SPECC1: variants seen among roughly 807,000 people sequenced by gnomAD.
The protein encoded by SPECC1 is cytospin-B.
SPECC1 carries 62 observed loss-of-function variants against 104.1 expected under a neutral mutation model. The ratio of observed to expected loss-of-function variants is 0.60; its 90% CI spans 0.49 to 0.74. The LOEUF is 0.74. SPECC1 is among the 30% of genes least tolerant of loss of function. SPECC1 has a pLI of 0.00. For missense variants in SPECC1, 1,306 were observed against 1,310.5 expected (o/e 1.00, Z 0.05); for synonymous variants, 513 against 501.6 (o/e 1.02, Z -0.30).
At chr17:20,182,089 A>G (rs1254016940) in intron 3 of SPECC1, among the ~76,000 whole-genome samples, 1 of 149,282 alleles carries the variant, frequency 6.7e-6, no homozygotes, top group Non-Finnish European at 1.5e-5. Context: ...ACTTCAGACA[A>G]ACCTCAATTT....
intron 3 of SPECC1, among the ~76,000 whole-genome samples, chr17:20,128,675 G>A (rs1019122766): frequency 7.2e-5 from 11 of 151,862 alleles, no homozygotes; most frequent in Admixed American, 4.6e-4. Flanking sequence ...ATCAGTAATG[G>A]GTGAATTTTG....
In SPECC1 at chr17:20,210,957, A is replaced by C. The variant is rs151006386; in HGVS notation, c.1863+5045A>C. Among the ~76,000 whole-genome samples, 5 of 152,194 alleles carry C rather than the reference A, an allele frequency of 3.3e-5. No individual in the cohort carries two copies. The East Asian group carries it at 9.7e-4, about 30-fold the overall frequency. On this transcript the variant is annotated intron_variant, in intron 4 of 14. Coordinates refer to ENST00000395527, the MANE Select transcript of SPECC1 (RefSeq NM_001243439.2). ...ATTGACCATTACCTGGTCCCTCCTG[A>C]AGCTTTCCGCCTCAGTTATGGGGTC... is the stretch of plus-strand genomic sequence containing the variant.
At chr17:20,263,063 A>T (rs572729721) in intron 12 of SPECC1, among the ~76,000 whole-genome samples, 4 of 151,326 alleles carry the variant, frequency 2.6e-5, no homozygotes, top group African/African-American at 9.7e-5. Context: ...CTCGCCTCAG[A>T]CCCTTGTTTA....
intron 1 of SPECC1, among the ~76,000 whole-genome samples, chr17:20,048,136 C>CTTT (rs543097038): frequency 2.9e-5 from 4 of 139,900 alleles, no homozygotes; most frequent in East Asian, 2.1e-4. Flanking sequence ...AGAAATGAGT[C>CTTT]TTTTTTTTTT....
chr17:20,207,042 C>T (rs2036833731), intron 4 of SPECC1, among the ~76,000 whole-genome samples: 1 of 152,170 alleles, frequency 6.6e-6, no homozygotes, highest in Non-Finnish European at 1.5e-5. Flanking sequence ...CCTCCCAGAG[C>T]AGTGCTGGAG....
intron 1 of SPECC1, among the ~76,000 whole-genome samples, chr17:20,041,071 T>G (rs985768467): frequency 1.3e-5 from 2 of 152,050 alleles, no homozygotes; most frequent in African/African-American, 4.8e-5. Context: ...TCTTTTTTCT[T>G]CTTTATTTTT....
At chr17:20,064,272 A>C (rs932478331) in intron 1 of SPECC1, among the ~76,000 whole-genome samples, 33 of 152,204 alleles carry the variant, frequency 2.2e-4, no homozygotes, top group African/African-American at 8.0e-4. Context: ...CCCTGATGGC[A>C]GGAGAGTCAG....
chr17:20,252,437 G>A (rs1479249608), intron 9 of SPECC1, among the ~76,000 whole-genome samples: 1 of 152,018 alleles, frequency 6.6e-6, no homozygotes, highest in African/African-American at 2.4e-5. Context: ...GCACTCCCCA[G>A]TGTCTCTTGT....
At chr17:20,241,553 C>T (rs1034060458) in intron 7 of SPECC1, among the ~76,000 whole-genome samples, 1 of 152,116 alleles carries the variant, frequency 6.6e-6, no homozygotes. Context: ...TTCCCCCGAC[C>T]GTGTACTCTC....
chr17:20,299,429 G>A (rs773970734), intron 13 of SPECC1, among the ~76,000 whole-genome samples: 5 of 151,288 alleles, frequency 3.3e-5, no homozygotes, highest in Admixed American at 6.6e-5. Flanking sequence ...GCTTGGTGGC[G>A]CACATCTGAG....
chr17:20,244,070 G>A (rs571252774), intron 7 of SPECC1, among the ~76,000 whole-genome samples: 7 of 151,974 alleles, frequency 4.6e-5, no homozygotes, highest in South Asian at 2.1e-4. Context: ...AAAAAAATAC[G>A]AAAGATTAGC....
At chr17:20,148,877 G>T (rs1435077309) in intron 3 of SPECC1, among the ~76,000 whole-genome samples, 2 of 151,912 alleles carry the variant, frequency 1.3e-5, no homozygotes, top group African/African-American at 4.8e-5. Context: ...CTGCCACTGC[G>T]CCCAGCTATT....
intron 12 of SPECC1, among the ~76,000 whole-genome samples, chr17:20,278,518 A>T (rs188221710): frequency 3.9e-5 from 6 of 152,294 alleles, no homozygotes; most frequent in Non-Finnish European, 5.9e-5. Context: ...AAGTGAGGGA[A>T]CTAATAAGGT....
At chr17:20,142,145 T>G (rs1045415353) in intron 3 of SPECC1, among the ~76,000 whole-genome samples, 3 of 152,258 alleles carry the variant, frequency 2.0e-5, no homozygotes, top group Non-Finnish European at 2.9e-5. Context: ...TTCAGCATAG[T>G]GCGTGTAAAG....
At chr17:20,056,406 G>T in intron 1 of SPECC1, 1 of 185,022 alleles carries the variant, frequency 5.4e-6, no homozygotes, top group South Asian at 1.3e-4. Context: ...GTCCGGAGAA[G>T]GGCGAGGCCG....
chr17:20,118,700 T>G (rs1368008767), intron 3 of SPECC1, among the ~76,000 whole-genome samples: 2 of 152,176 alleles, frequency 1.3e-5, no homozygotes, highest in Non-Finnish European at 2.9e-5. Flanking sequence ...CAGAGGAAAA[T>G]TTTTTCATTT....
chr17:20,302,208 G>A (rs965447340), intron 13 of SPECC1, among the ~76,000 whole-genome samples: 1 of 152,214 alleles, frequency 6.6e-6, no homozygotes, highest in African/African-American at 2.4e-5. Flanking sequence ...GAGGCCCAAC[G>A]GGCCCAACCC....
intron 4 of SPECC1, among the ~76,000 whole-genome samples, chr17:20,222,600 C>T (rs1236180882): frequency 6.6e-6 from 1 of 152,072 alleles, no homozygotes; most frequent in African/African-American, 2.4e-5. Flanking sequence ...GTAGTTATTT[C>T]TCTTGATAGA....
Position 20,316,725 on chromosome 17 carries a change from C to T in SPECC1, c.*2660C>T, listed in dbSNP as rs2042045219. 5.3e-6 allele frequency: 1 copy of T among 189,308 alleles called. No individual in the cohort carries two copies. Among genetic ancestry groups the T allele is most frequent in the South Asian group, 2.0e-4 (1 of 5,046 alleles). 11.7% of individuals were successfully genotyped at this position (189,308 alleles called of 1,614,324 possible). ...TTTGTTTTTTTTTTTGAGACAGAGT[C>T]TTGCTCTGTCGCCCAGGCTGGAGTG... On this transcript the variant is annotated 3_prime_UTR_variant, in exon 15 of 15. Transcript: ENST00000395527.
Sources: allele counts gnomAD v4.1 joint callset (sites outside exome capture counted in the v4.1 genomes callset), GRCh38; gene constraint gnomAD v4.1.1; transcripts MANE v1.5; gene names NCBI Gene and HGNC (gene_info 2026-07-23, HGNC 2026-07-21).